Variants in GRIN1 observed in about 807,000 individuals in gnomAD.
GRIN1 encodes glutamate receptor ionotropic, NMDA 1.
Under a neutral mutation model 103.0 loss-of-function variants are expected in GRIN1, and 38 were observed. The observed-to-expected ratio is 0.37, with a 90% CI of 0.28 to 0.48. The LOEUF is 0.48. Among genes scored for constraint, GRIN1 ranks in the 20% least tolerant of loss-of-function variants. The pLI is 0.98. For synonymous variants in GRIN1, 544 were observed against 532.7 expected, an observed-to-expected ratio of 1.02 and a Z score of -0.29; for missense variants, 577 against 1,288.9, an observed-to-expected ratio of 0.45 and a Z score of 8.46.
chr9:137,143,891 G>C (rs377168208), intron 2 of GRIN1, among the ~76,000 whole-genome samples: 1 of 152,240 alleles, frequency 6.6e-6, no homozygotes, highest in Non-Finnish European at 1.5e-5. Flanking sequence ...CTGAGGCAGA[G>C]GGGGGCAGAG....
In GRIN1 at chr9:137,142,138, C is replaced by T. The variant is rs2131197090; in HGVS notation, c.384C>T (p.Tyr128=). ...VLGLTTRMSI[Y]SDKSIHLSFL... is the part of the protein sequence containing the mutation. ...GGCTGACCACCCGCATGTCCATCTACTCGGACAAGGTAAGCCTGACTGCCA... is the reference window on the plus strand; with the variant it reads ...GGCTGACCACCCGCATGTCCATCTATTCGGACAAGGTAAGCCTGACTGCCA... The change falls in exon 2 of 20, where the codon TAC becomes TAT. Residue 128 remains tyrosine, a synonymous_variant. Transcript: ENST00000371561. 1 of 1,614,120 alleles carries T rather than the reference C, an allele frequency of 6.2e-7. No individual in the cohort carries two copies. Among genetic ancestry groups the T allele is most frequent in the South Asian group, 1.1e-5 (1 of 91,088 alleles).
At chr9:137,164,074 G>A in intron 18 of GRIN1, 170 bp downstream of exon 18, 1 of 810,828 alleles carries the variant, frequency 1.2e-6, no homozygotes, top group Non-Finnish European at 2.1e-6. Flanking sequence ...GGCAGCACCG[G>A]TGGGGGGCTG....
In GRIN1 at chr9:137,167,637, G is replaced by C. The variant is rs1258445884; in HGVS notation, c.*110G>C. The C allele has an allele frequency of 6.6e-7, 1 of 1,512,080 alleles. No individual in the cohort carries two copies. The highest frequency in any genetic ancestry group is 2.5e-5 in the East Asian group (1 of 40,436). 93.7% of individuals were successfully genotyped at this position (1,512,080 alleles called of 1,614,324 possible). A position where few individuals can be genotyped will look rare whatever the true frequency, so the allele number is the denominator to read the frequency against. Reference sequence around the variant, plus strand: ...CCGGAGCACCACGGGGTCGGGGGAGGAGCACCCCCAGCCTCCCCCAGGCTG... The same window carrying C: ...CCGGAGCACCACGGGGTCGGGGGAGCAGCACCCCCAGCCTCCCCCAGGCTG... On this transcript the variant is annotated 3_prime_UTR_variant, in exon 20 of 20. Transcript: ENST00000371561.
At chr9:137,162,116 C>CG in intron 11 of GRIN1, 28 bp downstream of exon 11, 2 of 419,728 alleles carry the variant, frequency 4.8e-6, no homozygotes, top group Non-Finnish European at 8.8e-6. Flanking sequence ...GGCGGGGTGG[C>CG]GGCGGGGGGA....
intron 8 of GRIN1, 84 bp from the exon 9 acceptor site, chr9:137,160,972 G>A (rs1651509905): frequency 6.3e-7 from 1 of 1,574,964 alleles, no homozygotes; most frequent in African/African-American, 1.4e-5. Flanking sequence ...AGGGGCGCCA[G>A]GGGAGGCTGG....
chr9:137,161,540 G>A, intron 10 of GRIN1, 124 bp downstream of exon 10: 1 of 895,162 alleles, frequency 1.1e-6, no homozygotes, highest in Non-Finnish European at 1.7e-6. Flanking sequence ...GTGGGGCATG[G>A]AGTGAGCGGA....
chr9:137,150,971 C>CT (rs1832844218), intron 4 of GRIN1, among the ~76,000 whole-genome samples: 1 of 128,058 alleles, frequency 7.8e-6, no homozygotes. Context: ...CCAGGGAAAG[C>CT]CCAGCCCAGA....
intron 6 of GRIN1, among the ~76,000 whole-genome samples, chr9:137,157,906 C>T (rs945031360): frequency 3.3e-5 from 5 of 152,234 alleles, no homozygotes; most frequent in African/African-American, 9.6e-5. Flanking sequence ...ATAGGGATCA[C>T]GTGTGCACAC....
chr9:137,139,297 GC>G lies in GRIN1; in HGVS notation c.-186del. 4.3e-6 allele frequency: 1 copy of G among 234,460 alleles called. No homozygotes were observed. The highest frequency in any genetic ancestry group is 8.0e-6 in the Non-Finnish European group (1 of 124,810). The allele number at this position is 234,460 out of a possible 1,614,324, so 14.5% of individuals were successfully genotyped here. A position where few individuals can be genotyped will look rare whatever the true frequency, so the allele number is the denominator to read the frequency against. ...GACAGCGCCGGCCGCGTGGGGCTGA[GC>G]CCCGAGCCCCCGCGCACGCTTCAGC... On this transcript the variant is annotated 5_prime_UTR_variant, in exon 1 of 20. Coordinates refer to ENST00000371561, the MANE Select transcript of GRIN1 (RefSeq NM_007327.4). This position sits in a 1 kb window ranked among gnomAD's most constrained non-coding sequence, Gnocchi z 7.7.
Position 137,162,802 on chromosome 9 carries a change from GC to G in GRIN1, c.2014-42del, listed in dbSNP as rs761221448. On this transcript the variant is annotated intron_variant, in intron 14 of 19. Transcript: ENST00000371561. ...GAGCTGGGGTCGGCCTCGGTTAGGG[GC>G]CTGGGGAGCCGCCGCCGCGATCCCT... 3.1e-6 allele frequency: 5 copies of G among 1,606,928 alleles called. No homozygotes were observed. In the South Asian group the frequency reaches 5.6e-5, roughly 18 times the overall value.
At position 137,149,089 on chromosome 9, in the gene GRIN1, G is replaced by C; in HGVS notation, c.651G>C (p.Arg217=). ...LLMEAKELEA[R]VIILSASEDD... ...TGGAGGCGAAAGAGCTGGAGGCCCGGGTCATCATCCTTTCTGCCAGGTGAG... is the reference window on the plus strand; with the variant it reads ...TGGAGGCGAAAGAGCTGGAGGCCCGCGTCATCATCCTTTCTGCCAGGTGAG... The change falls in exon 4 of 20, where the codon CGG becomes CGC. Residue 217 remains arginine, a synonymous_variant. Transcript: ENST00000371561. 6.2e-7 allele frequency: 1 copy of C among 1,611,284 alleles called. No individual in the cohort carries two copies. The highest frequency in any genetic ancestry group is 8.5e-7 in the Non-Finnish European group (1 of 1,178,344).
rs1466936836 is a variant in GRIN1 at position 137,145,477 on chromosome 9, AGCG to A, written c.394-247_394-245del. On this transcript the variant is annotated intron_variant, in intron 2 of 19. Coordinates refer to ENST00000371561, the MANE Select transcript of GRIN1 (RefSeq NM_007327.4). The stretch of plus-strand genomic sequence containing the variant: ...GTCCCAGAGTCTAGAAAGTGTCCCC[AGCG>A]GGGTGGGGACAGGGGTGGGAGACAC... 1.4e-3 allele frequency among the ~76,000 whole-genome samples: 182 copies of A among 127,180 alleles called. 14 individuals carry two copies. Among genetic ancestry groups the A allele is most frequent in the African/African-American group, 5.8e-3 (177 of 30,346 alleles). The allele number at this position is 127,180 out of a possible 152,430, so 83.4% of individuals were successfully genotyped here.
chr9:137,153,441 G>A (rs1477943513), intron 4 of GRIN1, among the ~76,000 whole-genome samples: 1 of 148,690 alleles, frequency 6.7e-6, no homozygotes, highest in Non-Finnish European at 1.5e-5. Context: ...ACGCACCATA[G>A]TCACACTACA....
intron 4 of GRIN1, among the ~76,000 whole-genome samples, chr9:137,153,721 AC>A (rs1459207513): frequency 1.3e-5 from 2 of 152,140 alleles, no homozygotes; most frequent in Non-Finnish European, 2.9e-5. Flanking sequence ...CCATGTGCAC[AC>A]CCATACACCC....
At chr9:137,165,128 C>A in intron 18 of GRIN1, 58 bp from the exon 19 acceptor site, 1 of 1,227,140 alleles carries the variant, frequency 8.1e-7, no homozygotes. Context: ...CAGGAGCAGG[C>A]GAGGGCAGGT....
chr9:137,139,879 G>A lies in GRIN1; in HGVS notation c.258+135G>A, dbSNP rs925781427. 1 of 733,454 alleles carries A rather than the reference G, an allele frequency of 1.4e-6. No homozygotes were observed. The highest frequency in any genetic ancestry group is 2.4e-6 in the Non-Finnish European group (1 of 424,574). The allele number at this position is 733,454 out of a possible 1,614,324, so 45.4% of individuals were successfully genotyped here. On this transcript the variant is annotated intron_variant, in intron 1 of 19. Coordinates refer to ENST00000371561, the MANE Select transcript of GRIN1 (RefSeq NM_007327.4). This position sits in a 1 kb window ranked among gnomAD's most constrained non-coding sequence, Gnocchi z 7.7. ...ACCCCAGAGTCAGCTGGCTGCTTCCGGGAGGCCTCGTCTCACTAGGAACCA... is the reference window on the plus strand; with the variant it reads ...ACCCCAGAGTCAGCTGGCTGCTTCCAGGAGGCCTCGTCTCACTAGGAACCA...
At chr9:137,147,427 C>A (rs1832605248) in intron 3 of GRIN1, among the ~76,000 whole-genome samples, 1 of 151,902 alleles carries the variant, frequency 6.6e-6, no homozygotes. Flanking sequence ...CACACGTGCA[C>A]AGGCACACAC....
At chr9:137,149,358 C>T (rs1269730077) in intron 4 of GRIN1, among the ~76,000 whole-genome samples, 1 of 152,210 alleles carries the variant, frequency 6.6e-6, no homozygotes, top group Non-Finnish European at 1.5e-5. Flanking sequence ...TGCTGCTGCC[C>T]TGAGCTGGGC....
Position 137,163,913 on chromosome 9 carries a change from G to A in GRIN1, c.2589+9G>A, listed in dbSNP as rs1216290088. The stretch of plus-strand genomic sequence containing the variant: ...GGCGGAAGAACCTGCAGGTAGGGCA[G>A]GCCACCCTCCGAGGCCTGGTGCCCA... On this transcript the variant is annotated intron_variant, in intron 18 of 19. Transcript: ENST00000371561. 2.5e-6 allele frequency: 4 copies of A among 1,612,234 alleles called. No individual in the cohort carries two copies. The highest frequency in any genetic ancestry group is 3.3e-5 in the Admixed American group (2 of 60,024).
Sources: allele counts gnomAD v4.1 joint callset (sites outside exome capture counted in the v4.1 genomes callset), GRCh38; gene constraint gnomAD v4.1.1; non-coding constraint Gnocchi (gnomAD v3.1); transcripts MANE v1.5; gene names NCBI Gene and HGNC (gene_info 2026-07-23, HGNC 2026-07-21).